Variants in AKT2 observed in about 807,000 individuals in gnomAD.
The protein encoded by AKT2 is AKT serine/threonine kinase 2, also known as RAC-beta serine/threonine-protein kinase.
Under a neutral mutation model 58.6 loss-of-function variants are expected in AKT2, and 16 were observed. That is an observed-to-expected ratio of 0.27 (90% CI 0.18 to 0.41). The LOEUF (loss-of-function observed/expected upper bound fraction) is 0.41. AKT2 is among the 10% of genes least tolerant of loss of function. AKT2 has a pLI of 1.00. For missense variants in AKT2, 438 were observed against 661.0 expected (o/e 0.66, Z 3.70); for synonymous variants, 253 against 254.0 (o/e 1.00, Z 0.04).
At chr19:40,272,880 G>A (rs2077240993) in intron 1 of AKT2, among the ~76,000 whole-genome samples, 1 of 152,158 alleles carries the variant, frequency 6.6e-6, no homozygotes, top group African/African-American at 2.4e-5. Context: ...GAGACCTTGG[G>A]CAAGTCACCA....
At chr19:40,246,067 T>A (rs948493812) in intron 4 of AKT2, among the ~76,000 whole-genome samples, 3 of 118,784 alleles carry the variant, frequency 2.5e-5, no homozygotes, top group African/African-American at 9.7e-5. Flanking sequence ...TCCCAAACCC[T>A]ACACTAATAT....
intron 1 of AKT2, among the ~76,000 whole-genome samples, chr19:40,265,827 C>A (rs964685069): frequency 1.3e-5 from 2 of 152,280 alleles, no homozygotes; most frequent in East Asian, 3.9e-4. Flanking sequence ...TCTCTCTCCC[C>A]TCTCCCTTCT....
Position 40,234,631 on chromosome 19 carries a change from A to G in AKT2, c.1366+414T>C. The G allele has an allele frequency of 5.7e-6, 3 of 523,242 alleles. No homozygotes were observed. In the South Asian group the frequency reaches 9.0e-5, roughly 16 times the overall value. 32.4% of individuals were successfully genotyped at this position (523,242 alleles called of 1,614,324 possible). A position where few individuals can be genotyped will look rare whatever the true frequency, so the allele number is the denominator to read the frequency against. On this transcript the variant is annotated intron_variant, in intron 13 of 13. Transcript: ENST00000392038. The surrounding 1 kb of genome is among the most constrained non-coding windows in gnomAD (Gnocchi z 4.7). ...CCCAGTCCCTGGCCTCCCACGCCCT[A>G]GCCCTGACCACTCCAGGCCGCCCAC...
Position 40,242,277 on chromosome 19 carries a change from C to G in AKT2, c.442-208G>C. 1 of 878,786 alleles carries G rather than the reference C, an allele frequency of 1.1e-6. No individual in the cohort carries two copies. 54.4% of individuals were successfully genotyped at this position (878,786 alleles called of 1,614,324 possible). On this transcript the variant is annotated intron_variant, in intron 5 of 13. Transcript: ENST00000392038. This position sits in a 1 kb window ranked among gnomAD's most constrained non-coding sequence, Gnocchi z 4.3. Reference sequence around the variant, plus strand: ...GGCACAGGGCCTTGGGAGGGCTGGGCTCTGACGTGGGGGTAGCCAGGTCTT... The same window carrying G: ...GGCACAGGGCCTTGGGAGGGCTGGGGTCTGACGTGGGGGTAGCCAGGTCTT...
rs556763599 is a variant in AKT2 at position 40,232,436 on chromosome 19, G to A, written c.*1436C>T. 136 of 233,820 alleles carry A rather than the reference G, an allele frequency of 5.8e-4. No homozygotes were observed. Among genetic ancestry groups the A allele is most frequent in the African/African-American group, 2.6e-3 (118 of 45,386 alleles). The allele number at this position is 233,820 out of a possible 1,614,324, so 14.5% of individuals were successfully genotyped here. On this transcript the variant is annotated 3_prime_UTR_variant, in exon 14 of 14. Transcript: ENST00000392038. ...TCAGATAACAACATCGCACACAGAG[G>A]AAAAAGACCCTCACCCACCCGAACC... is the stretch of plus-strand genomic sequence containing the variant.
rs150972812 is a variant in AKT2, at chr19:40,237,570, G to A, written c.831+399C>T. On this transcript the variant is annotated intron_variant, in intron 9 of 13. Transcript: ENST00000392038. The surrounding 1 kb of genome is among the most constrained non-coding windows in gnomAD (Gnocchi z 4.5). ...TGAGGCAGGACAATCGCTTGAACCCGGGAGGCAGAGGTTGCAGCGAGCCGA... is the reference window on the plus strand; with the variant it reads ...TGAGGCAGGACAATCGCTTGAACCCAGGAGGCAGAGGTTGCAGCGAGCCGA... 946 of 193,878 alleles carry A rather than the reference G, an allele frequency of 4.9e-3. 4 individuals carry two copies. The highest frequency in any genetic ancestry group is 8.8e-3 in the Middle Eastern group (4 of 454). 12.0% of individuals were successfully genotyped at this position (193,878 alleles called of 1,614,324 possible). A position where few individuals can be genotyped will look rare whatever the true frequency, so the allele number is the denominator to read the frequency against.
At chr19:40,248,728 G>A (rs1974920477) in intron 4 of AKT2, among the ~76,000 whole-genome samples, 1 of 152,130 alleles carries the variant, frequency 6.6e-6, no homozygotes, top group Non-Finnish European at 1.5e-5. Flanking sequence ...TGGAGGAGAT[G>A]AGGACAGAGA....
intron 1 of AKT2, among the ~76,000 whole-genome samples, chr19:40,267,227 A>G (rs1976423471): frequency 6.6e-6 from 1 of 152,006 alleles, no homozygotes; most frequent in South Asian, 2.1e-4. Context: ...CCCAGCAAAA[A>G]AGCCAAACTC....
intron 1 of AKT2, among the ~76,000 whole-genome samples, chr19:40,266,586 C>T (rs1271242325): frequency 6.6e-6 from 1 of 152,172 alleles, no homozygotes; most frequent in Non-Finnish European, 1.5e-5. Flanking sequence ...GCTCCCCTTG[C>T]CAGCAACATG....
At position 40,232,203 on chromosome 19, in the gene AKT2, C is replaced by T. The variant is rs375232480; in HGVS notation, c.*1669G>A. 13 of 233,732 alleles carry T rather than the reference C, an allele frequency of 5.6e-5. No individual in the cohort carries two copies. Among genetic ancestry groups the T allele is most frequent in the East Asian group, 4.8e-4 (8 of 16,578 alleles). The allele number at this position is 233,732 out of a possible 1,614,324, so 14.5% of individuals were successfully genotyped here. A position where few individuals can be genotyped will look rare whatever the true frequency, so the allele number is the denominator to read the frequency against. On this transcript the variant is annotated 3_prime_UTR_variant, in exon 14 of 14. Transcript: ENST00000392038. ...CCTGCACACACCCCAGCTGCCCTCA[C>T]CCTGAGCTCAGTGCCCTCCTTGCTG...
chr19:40,236,878 A>AAG, intron 9 of AKT2: 1 of 197,020 alleles, frequency 5.1e-6, no homozygotes, highest in South Asian at 8.6e-5. Flanking sequence ...AATATGAAAA[A>AAG]AAAAATTAGC....
intron 1 of AKT2, chr19:40,275,145 C>T (rs1386244067): frequency 2.2e-6 from 1 of 456,816 alleles, no homozygotes; most frequent in South Asian, 1.5e-5. Flanking sequence ...AGCCCGGACC[C>T]CTCTCCTCCG....
At position 40,278,540 on chromosome 19, in the gene AKT2, G is replaced by C. The variant is rs2077366907; in HGVS notation, c.-85+6641C>G. The stretch of plus-strand genomic sequence containing the variant: ...TTTGTAGAGCTAATATGCAGCGTCT[G>C]GTTGGGCAGGAGTACAGTGGTGGGA... On this transcript the variant is annotated intron_variant, in intron 1 of 13. Coordinates refer to ENST00000392038, the MANE Select transcript of AKT2 (RefSeq NM_001626.6). 2.0e-5 allele frequency among the ~76,000 whole-genome samples: 3 copies of C among 152,116 alleles called. No individual in the cohort carries two copies. In the South Asian group the frequency reaches 6.2e-4, roughly 32 times the overall value.
At chr19:40,244,289 A>G (rs1490102732) in intron 4 of AKT2, 1 of 151,862 alleles carries the variant, frequency 6.6e-6, no homozygotes. Flanking sequence ...GACCAAAGAT[A>G]AAAAATTAGC....
intron 4 of AKT2, among the ~76,000 whole-genome samples, chr19:40,250,925 G>A (rs1430775208): frequency 5.9e-5 from 9 of 152,176 alleles, no homozygotes; most frequent in Admixed American, 5.9e-4. Flanking sequence ...CCAGAAAGCT[G>A]GGTGTGGTGG....
intron 4 of AKT2, among the ~76,000 whole-genome samples, chr19:40,249,557 C>CGT (rs1328810568): frequency 6.6e-6 from 1 of 152,210 alleles, no homozygotes; most frequent in South Asian, 2.1e-4. Context: ...TGCACAAGCC[C>CGT]GTCCTCACCG....
intron 1 of AKT2, among the ~76,000 whole-genome samples, chr19:40,278,079 C>T (rs750113582): frequency 3.9e-5 from 6 of 152,146 alleles, no homozygotes; most frequent in Non-Finnish European, 7.3e-5. Flanking sequence ...GGAATGGAGT[C>T]ATTTCTGGAT....
At chr19:40,282,667 G>A (rs751753237) in intron 1 of AKT2, 1 of 392,562 alleles carries the variant, frequency 2.5e-6, no homozygotes, top group Non-Finnish European at 5.3e-6. Flanking sequence ...AGCAAGGAAT[G>A]CATGGCACTA....
At chr19:40,250,764 G>T (rs888742915) in intron 4 of AKT2, among the ~76,000 whole-genome samples, 3 of 152,062 alleles carry the variant, frequency 2.0e-5, no homozygotes, top group Non-Finnish European at 4.4e-5. Flanking sequence ...GGAGATTGAG[G>T]CTGCAGTGAG....
Sources: allele counts gnomAD v4.1 joint callset (sites outside exome capture counted in the v4.1 genomes callset), GRCh38; gene constraint gnomAD v4.1.1; non-coding constraint Gnocchi (gnomAD v3.1); transcripts MANE v1.5; gene names NCBI Gene and HGNC (gene_info 2026-07-23, HGNC 2026-07-21).